The following ACCS variants were observed in gnomAD, a reference collection of about 807,000 sequenced individuals.
ACCS encodes 1-aminocyclopropane-1-carboxylate synthase homolog (inactive), also known as 1-aminocyclopropane-1-carboxylate synthase-like protein 1.
In ACCS, 42 loss-of-function variants were observed where a neutral mutation model predicts 59.8. The observed-to-expected ratio is 0.70, with a 90% CI of 0.55 to 0.91. ACCS has a LOEUF of 0.91. Ranked by LOEUF, ACCS falls within the 40% of genes least tolerant of loss-of-function variation. The pLI is 0.00. For missense variants in ACCS, 602 were observed against 630.4 expected, an observed-to-expected ratio of 0.95 and a Z score of 0.48; for synonymous variants, 230 against 240.3, an observed-to-expected ratio of 0.96 and a Z score of 0.40.
intron 9 of ACCS, 118 bp downstream of exon 9, chr11:44,078,902 C>T (rs1953504803): frequency 1.3e-6 from 1 of 779,468 alleles, no homozygotes; most frequent in Non-Finnish European, 2.1e-6. Flanking sequence ...TTGCTTGGGC[C>T]CTTCCTTGGC....
rs955574070 is a variant in ACCS at position 44,083,764 on chromosome 11, G to A, written c.1478G>A (p.Ser493Asn). ...QVAEDPRPSQ[S>N]QEPSDQRR ...GCAGAAGACCCCCGTCCCTCTCAGA[G>A]CCAGGAGCCAAGTGACCAACGCAGG... The change falls in exon 15 of 15, where the codon AGC becomes AAC. Residue 493 changes from serine (S) to asparagine (N), a missense_variant. Transcript: ENST00000263776. 3 of 1,613,626 alleles carry A rather than the reference G, an allele frequency of 1.9e-6. No individual in the cohort carries two copies. The highest frequency in any genetic ancestry group is 2.5e-6 in the Non-Finnish European group (3 of 1,179,764).
At chr11:44,071,340 G>A in intron 3 of ACCS, 25 bp downstream of exon 3, 2 of 1,610,774 alleles carry the variant, frequency 1.2e-6, no homozygotes, top group South Asian at 1.1e-5. Flanking sequence ...CCCTCTAGGG[G>A]GCATCACCAG....
intron 4 of ACCS, among the ~76,000 whole-genome samples, 199 bp downstream of exon 4, chr11:44,073,716 C>T (rs1448124198): frequency 6.6e-6 from 1 of 152,228 alleles, no homozygotes; most frequent in African/African-American, 2.4e-5. Context: ...TCAGTAGTGG[C>T]AGGCTGAGGG....
Position 44,075,548 on chromosome 11 carries a change from C to T in ACCS, c.512C>T (p.Ala171Val). 1 of 1,614,012 alleles carries T rather than the reference C, an allele frequency of 6.2e-7. No homozygotes were observed. Among genetic ancestry groups the T allele is most frequent in the Non-Finnish European group, 8.5e-7 (1 of 1,180,036 alleles). The change falls in exon 6 of 15, where the codon GCC (alanine) becomes GTC (valine). Residue 171 changes from alanine to valine, a missense_variant. By Grantham distance (64) the Ala-to-Val change is moderately conservative (BLOSUM62 0). Transcript: ENST00000263776. ...TAGGTGGTTGTCCTGAATGGTGGTG[C>T]CTCGCTCTTCTCTGCTCTGGCCACG... ...PENVVVLNGG[A>V]SLFSALATVL...
intron 7 of ACCS, 53 bp from the exon 8 acceptor site, chr11:44,077,791 TG>T (rs1466646530): frequency 3.1e-5 from 49 of 1,596,386 alleles, no homozygotes; most frequent in Non-Finnish European, 4.0e-5. Context: ...ATATGTATTT[TG>T]GGGGGCAATG....
intron 6 of ACCS, 26 bp downstream of exon 6, chr11:44,075,618 G>A (rs761269884): frequency 1.3e-5 from 21 of 1,611,364 alleles, no homozygotes; most frequent in Admixed American, 5.0e-5. Flanking sequence ...GGCCTGCCCC[G>A]CACTGTGAGC....
At chr11:44,072,930 C>G (rs1010539320) in intron 3 of ACCS, among the ~76,000 whole-genome samples, 7 of 152,186 alleles carry the variant, frequency 4.6e-5, no homozygotes, top group African/African-American at 1.7e-4. Flanking sequence ...AAAGGACCTA[C>G]AATACTAGGA....
chr11:44,073,705 A>T (rs1953173344), intron 4 of ACCS, among the ~76,000 whole-genome samples, 188 bp downstream of exon 4: 1 of 152,244 alleles, frequency 6.6e-6, no homozygotes, highest in African/African-American at 2.4e-5. Context: ...GGCCCCGAAC[A>T]TCAGTAGTGG....
In ACCS at chr11:44,083,245, T is replaced by C. The variant is rs563348585; in HGVS notation, c.1188T>C (p.Leu396=). 47 of 1,614,208 alleles carry C rather than the reference T, an allele frequency of 2.9e-5. No homozygotes were observed. Among genetic ancestry groups the C allele is most frequent in the Non-Finnish European group, 4.0e-5 (47 of 1,180,044 alleles). ...KAAHTYVSEE[L]RALGIPFLSR... is the part of the protein sequence containing the mutation. ...CCCACACCTATGTCTCAGAAGAGCT[T>C]AGGGCATTGGGGATCCCCTTCTTGA... Residue 396 remains leucine (L), a synonymous_variant, in exon 13 of 15, where the codon CTT becomes CTC. Transcript: ENST00000263776.
chr11:44,067,879 C>T lies in ACCS; in HGVS notation c.252C>T (p.Tyr84=), dbSNP rs200759020. The T allele has an allele frequency of 1.2e-6, 2 of 1,612,426 alleles. No homozygotes were observed. Among genetic ancestry groups the T allele is most frequent in the African/African-American group, 1.3e-5 (1 of 75,008 alleles). ...WDSAEEGYRT[Y]HMDEYDEDKN... is the part of the protein sequence containing the mutation. ...CAGCTGAGGAGGGCTACAGGACCTA[C>T]CACATGGATGAGTATGATGAGGACA... Residue 84 remains tyrosine (Y), a synonymous_variant, in exon 2 of 15, where the codon TAC becomes TAT. Coordinates refer to ENST00000263776, the MANE Select transcript of ACCS (RefSeq NM_032592.4).
rs178521 is a variant in ACCS, at chr11:44,074,688, G to A, written c.489+7G>A. 1,144,641 of 1,592,630 alleles carry A rather than the reference G, an allele frequency of 0.72. 413,735 individuals are homozygous for A. Among genetic ancestry groups the A allele is most frequent in the East Asian group, 0.9 (39,757 of 44,114 alleles). On this transcript the variant is annotated splice_region_variant and intron_variant, in intron 5 of 14. Transcript: ENST00000263776. ...ACCCCTCAGACCAGAGAATGTGAGT[G>A]GCCCCCTCCACTGCTCCTTCCTGTT...
intron 2 of ACCS, among the ~76,000 whole-genome samples, chr11:44,068,618 A>G (rs570545774): frequency 2.0e-5 from 3 of 152,322 alleles, no homozygotes; most frequent in South Asian, 4.1e-4. Context: ...ATAACAACAA[A>G]CAAACAAAAA....
chr11:44,078,284 G>T (rs951436348), intron 8 of ACCS: 5 of 322,120 alleles, frequency 1.6e-5, no homozygotes, highest in Middle Eastern at 9.3e-4. Context: ...TGCTCACTGT[G>T]GGGGGAGCTG....
At chr11:44,067,603 G>T in intron 1 of ACCS, 25 bp from the exon 2 acceptor site, 1 of 1,581,176 alleles carries the variant, frequency 6.3e-7, no homozygotes, top group Non-Finnish European at 8.6e-7. Context: ...CCTTGAGCAG[G>T]CCTGTGCGTT....
chr11:44,072,701 C>G (rs928218016), intron 3 of ACCS, among the ~76,000 whole-genome samples: 1 of 152,064 alleles, frequency 6.6e-6, no homozygotes, highest in South Asian at 2.1e-4. Flanking sequence ...TACTTTTTTC[C>G]TACCAAGTTT....
intron 12 of ACCS, 124 bp downstream of exon 12, chr11:44,081,444 C>G: frequency 7.0e-7 from 1 of 1,432,252 alleles, no homozygotes; most frequent in Non-Finnish European, 9.3e-7. Flanking sequence ...AGTGCCAGCT[C>G]TGAGCCCCGA....
rs923481595 is a variant in ACCS, at chr11:44,078,447, C to T, written c.733-237C>T. The T allele has an allele frequency of 4.1e-5, 19 of 461,000 alleles. No individual in the cohort carries two copies. The East Asian group carries it at 5.7e-4, about 14-fold the overall frequency. The allele number at this position is 461,000 out of a possible 1,614,324, so 28.6% of individuals were successfully genotyped here. A position where few individuals can be genotyped will look rare whatever the true frequency, so the allele number is the denominator to read the frequency against. Reference sequence around the variant, plus strand: ...AAGTGCAAAAGGCCAACCCAAAATTCTACCAACAAAGGTAACCTACTGGTA... The same window carrying T: ...AAGTGCAAAAGGCCAACCCAAAATTTTACCAACAAAGGTAACCTACTGGTA... On this transcript the variant is annotated intron_variant, in intron 8 of 14. Transcript: ENST00000263776.
intron 2 of ACCS, among the ~76,000 whole-genome samples, chr11:44,069,666 T>C (rs918186043): frequency 1.3e-5 from 2 of 152,182 alleles, no homozygotes; most frequent in South Asian, 4.1e-4. Flanking sequence ...CTCTTATGCT[T>C]ATTGGCAGGC....
At chr11:44,081,106 AG>A in intron 11 of ACCS, 41 bp downstream of exon 11, 1 of 1,614,046 alleles carries the variant, frequency 6.2e-7, no homozygotes, top group Non-Finnish European at 8.5e-7. Context: ...GAAGGGTGGG[AG>A]GGCAGAGAGG....
Sources: gnomAD v4.1 joint callset for allele counts (sites outside exome capture counted in the v4.1 genomes callset) on GRCh38, gnomAD v4.1.1 for gene constraint, MANE v1.5 for transcripts, NCBI Gene and HGNC (gene_info 2026-07-23, HGNC 2026-07-21) for gene names.